HS3ST5: variants seen among roughly 807,000 people sequenced by gnomAD.
The protein encoded by HS3ST5 is heparan sulfate glucosamine 3-O-sulfotransferase 5.
A neutral mutation model predicts 25.4 loss-of-function variants in HS3ST5; 10 were observed. The ratio of observed to expected loss-of-function variants is 0.39; its 90% CI spans 0.24 to 0.67. The LOEUF (loss-of-function observed/expected upper bound fraction) is 0.67. HS3ST5 is among the 30% of genes least tolerant of loss of function. The pLI is 0.44. For missense variants in HS3ST5, 324 were observed against 420.7 expected (o/e 0.77, Z 2.01); for synonymous variants, 170 against 162.4 (o/e 1.05, Z -0.36).
At chr6:114,121,697 T>A (rs901628379) in intron 3 of HS3ST5, among the ~76,000 whole-genome samples, 5 of 152,212 alleles carry the variant, frequency 3.3e-5, no homozygotes, top group Admixed American at 6.5e-5. Flanking sequence ...TGGCTTCCCA[T>A]ATTTTTAAAA....
chr6:114,262,793 G>T lies in HS3ST5; in HGVS notation c.-338-34015C>A, dbSNP rs193222196. On this transcript the variant is annotated intron_variant, in intron 1 of 4. Coordinates refer to ENST00000312719, the MANE Select transcript of HS3ST5 (RefSeq NM_153612.4). Reference sequence around the variant, plus strand: ...GAATGCATGGGAGACTATGAACTATGAAATTTTTGATTCAGAAATCTCTTT... The same window carrying T: ...GAATGCATGGGAGACTATGAACTATTAAATTTTTGATTCAGAAATCTCTTT... Among the ~76,000 whole-genome samples the T allele has an allele frequency of 2.2e-4, 34 of 152,210 alleles. No individual in the cohort carries two copies. In the East Asian group the frequency reaches 6.6e-3, roughly 29 times the overall value.
chr6:114,081,598 C>G (rs1027340315), intron 3 of HS3ST5, among the ~76,000 whole-genome samples: 1 of 152,136 alleles, frequency 6.6e-6, no homozygotes, highest in African/African-American at 2.4e-5. Context: ...GTAGATTCAT[C>G]AAGGCTAGCA....
intron 3 of HS3ST5, among the ~76,000 whole-genome samples, chr6:114,159,332 A>G (rs934564051): frequency 6.6e-6 from 1 of 152,210 alleles, no homozygotes; most frequent in Non-Finnish European, 1.5e-5. Flanking sequence ...CCAAACTAGA[A>G]TCAAAGCAGT....
intron 2 of HS3ST5, among the ~76,000 whole-genome samples, chr6:114,210,609 G>C (rs9372390): frequency 0.42 from 63,798 of 151,934 alleles, 14,501 homozygotes; most frequent in South Asian, 0.65. Context: ...ACCCAGTTAA[G>C]GTCTGGGACA....
At chr6:114,203,204 T>C (rs1425408889) in intron 2 of HS3ST5, among the ~76,000 whole-genome samples, 1 of 152,216 alleles carries the variant, frequency 6.6e-6, no homozygotes, top group African/African-American at 2.4e-5. Flanking sequence ...ACAGATTAAC[T>C]GTGAAACTGC....
intron 1 of HS3ST5, among the ~76,000 whole-genome samples, chr6:114,339,338 T>C (rs1436572216): frequency 6.6e-6 from 1 of 152,166 alleles, no homozygotes; most frequent in Non-Finnish European, 1.5e-5. Flanking sequence ...CTACAATAAA[T>C]AGACCATCCT....
At chr6:114,176,450 C>G (rs1779727169) in intron 2 of HS3ST5, among the ~76,000 whole-genome samples, 1 of 152,202 alleles carries the variant, frequency 6.6e-6, no homozygotes, top group Admixed American at 6.5e-5. Flanking sequence ...GAAAAAGCCA[C>G]TTGTATCATT....
chr6:114,291,255 C>A (rs1350666122), intron 1 of HS3ST5, among the ~76,000 whole-genome samples: 9 of 152,076 alleles, frequency 5.9e-5, no homozygotes, highest in Admixed American at 5.2e-4. Context: ...AACAGACACA[C>A]AACTATGTGC....
At chr6:114,160,322 G>A (rs557993245) in intron 3 of HS3ST5, among the ~76,000 whole-genome samples, 4 of 151,432 alleles carry the variant, frequency 2.6e-5, no homozygotes, top group African/African-American at 9.7e-5. Flanking sequence ...AATGGAGAAC[G>A]ACTAAAAAAA....
At chr6:114,233,073 T>C (rs1771681864) in intron 1 of HS3ST5, among the ~76,000 whole-genome samples, 2 of 139,704 alleles carry the variant, frequency 1.4e-5, no homozygotes, top group Admixed American at 7.1e-5. Flanking sequence ...TTTTTTTTTT[T>C]CATTTTTAGA....
At chr6:114,151,148 T>A (rs553212378) in intron 3 of HS3ST5, among the ~76,000 whole-genome samples, 45 of 152,336 alleles carry the variant, frequency 3.0e-4, no homozygotes, top group African/African-American at 9.9e-4. Flanking sequence ...CCTTACAAAT[T>A]AATCATGTTG....
At chr6:114,215,282 G>A (rs1001504343) in intron 2 of HS3ST5, among the ~76,000 whole-genome samples, 5 of 152,068 alleles carry the variant, frequency 3.3e-5, no homozygotes, top group Non-Finnish European at 1.5e-5. Flanking sequence ...CTCCAGCCTG[G>A]GTGACAGAGC....
At chr6:114,069,550 C>T (rs974720600) in intron 3 of HS3ST5, among the ~76,000 whole-genome samples, 4 of 142,110 alleles carry the variant, frequency 2.8e-5, no homozygotes, top group Admixed American at 1.5e-4. Flanking sequence ...GACGGAGTCT[C>T]GCTCTGTCGC....
Position 114,057,848 on chromosome 6 carries a change from T to G in HS3ST5, c.450A>C (p.Gln150His). Residue 150 changes from glutamine (Q) to histidine (H), a missense_variant, in exon 5 of 5, where the codon CAA becomes CAC. Gln to His is a conservative substitution (Grantham distance 24). Around this residue, in one of 2 missense-constraint regions of HS3ST5, gnomAD observed 203 missense variants for 303.4 expected, o/e 0.67. Coordinates refer to ENST00000312719, the MANE Select transcript of HS3ST5 (RefSeq NM_153612.4). ...RKKMPFSYPQ[Q>H]ITIEKSPAYF... ...ATGCTGGGCTCTTTTCAATTGTGAT[T>G]TGCTGAGGGTAGGAAAAAGGCATCT... The G allele has an allele frequency of 6.2e-7, 1 of 1,614,134 alleles. No homozygotes were observed. The highest frequency in any genetic ancestry group is 8.5e-7 in the Non-Finnish European group (1 of 1,179,988).
chr6:114,085,428 T>A (rs1320786198), intron 3 of HS3ST5, among the ~76,000 whole-genome samples: 1 of 152,222 alleles, frequency 6.6e-6, no homozygotes, highest in Non-Finnish European at 1.5e-5. Context: ...TTATGAATCC[T>A]CAGAGAATTC....
At chr6:114,070,826 C>G (rs1773776068) in intron 3 of HS3ST5, among the ~76,000 whole-genome samples, 1 of 152,218 alleles carries the variant, frequency 6.6e-6, no homozygotes, top group Non-Finnish European at 1.5e-5. Context: ...TCAGAATCCA[C>G]CCAGTTTCTG....
Position 114,057,494 on chromosome 6 carries a change from G to C in HS3ST5, c.804C>G (p.Leu268=). ...GAGGCAGATTTAGGAACTTCTCCACGAGCTGAAGTTCTGGCAGAGGTTCCG... is the reference window on the plus strand; with the variant it reads ...GAGGCAGATTTAGGAACTTCTCCACCAGCTGAAGTTCTGGCAGAGGTTCCG... The part of the protein sequence containing the change: ...LITEPLPELQ[L]VEKFLNLPPR... Residue 268 remains leucine, a synonymous_variant, in exon 5 of 5, where the codon CTC becomes CTG. Coordinates refer to ENST00000312719, the MANE Select transcript of HS3ST5 (RefSeq NM_153612.4). The C allele has an allele frequency of 6.2e-7, 1 of 1,614,120 alleles. No homozygotes were observed. Among genetic ancestry groups the C allele is most frequent in the Non-Finnish European group, 8.5e-7 (1 of 1,180,008 alleles).
intron 4 of HS3ST5, among the ~76,000 whole-genome samples, chr6:114,062,249 T>C (rs1445506977): frequency 2.0e-5 from 3 of 152,162 alleles, no homozygotes; most frequent in East Asian, 3.9e-4. Flanking sequence ...TTAACATAGT[T>C]AAAACTCCCC....
chr6:114,319,799 A>T (rs999507983), intron 1 of HS3ST5, among the ~76,000 whole-genome samples: 5 of 152,124 alleles, frequency 3.3e-5, no homozygotes, highest in Non-Finnish European at 7.4e-5. Flanking sequence ...GATTGTAATA[A>T]ACATACTTTA....
Sources: allele counts gnomAD v4.1 joint callset (sites outside exome capture counted in the v4.1 genomes callset), GRCh38; gene constraint gnomAD v4.1.1; regional missense constraint gnomAD v4.1.1; transcripts MANE v1.5; gene names NCBI Gene and HGNC (gene_info 2026-07-23, HGNC 2026-07-21).